Variants in IMMP2L observed in about 807,000 individuals in gnomAD.
IMMP2L encodes mitochondrial inner membrane protease subunit 2.
A neutral mutation model predicts 19.3 loss-of-function variants in IMMP2L; 18 were observed. The observed-to-expected ratio is 0.93, with a 90% CI of 0.64 to 1.38. The LOEUF is 1.38. Ranked by LOEUF, IMMP2L falls within the 40% of genes most tolerant of loss-of-function variation. The probability of loss-of-function intolerance (pLI) is 0.00; values close to 1 mark genes in which losing one functional copy is unlikely to be tolerated. For missense variants in IMMP2L, 233 were observed against 218.2 expected (o/e 1.07, Z -0.43); for synonymous variants, 76 against 73.0 (o/e 1.04, Z -0.21).
At chr7:110,890,526 C>T (rs1563057931) in intron 4 of IMMP2L, among the ~76,000 whole-genome samples, 1 of 152,146 alleles carries the variant, frequency 6.6e-6, no homozygotes, top group Non-Finnish European at 1.5e-5. Context: ...CCTTTTAGGA[C>T]TGCCAAAGAA....
chr7:111,371,320 T>C (rs894944794), intron 3 of IMMP2L, among the ~76,000 whole-genome samples: 1 of 152,006 alleles, frequency 6.6e-6, no homozygotes, highest in Non-Finnish European at 1.5e-5. Context: ...TCAAAATGTC[T>C]GCATACTTTT....
intron 5 of IMMP2L, among the ~76,000 whole-genome samples, chr7:110,681,774 G>A (rs769204785): frequency 2.0e-5 from 3 of 152,082 alleles, no homozygotes; most frequent in Non-Finnish European, 2.9e-5. Context: ...CCCATGCAAT[G>A]TGTTTGGCAG....
At chr7:111,012,111 T>G (rs374722152) in intron 3 of IMMP2L, among the ~76,000 whole-genome samples, 2 of 152,202 alleles carry the variant, frequency 1.3e-5, no homozygotes, top group South Asian at 2.1e-4. Context: ...ATTCTATTAG[T>G]TGAGGAGCTG....
intron 2 of IMMP2L, among the ~76,000 whole-genome samples, chr7:111,514,245 T>C (rs763737126): frequency 6.6e-6 from 1 of 152,122 alleles, no homozygotes; most frequent in Non-Finnish European, 1.5e-5. Flanking sequence ...TAGTTTGTGG[T>C]AATCATTTCA....
At chr7:111,151,850 C>G (rs986337995) in intron 3 of IMMP2L, among the ~76,000 whole-genome samples, 2 of 152,080 alleles carry the variant, frequency 1.3e-5, no homozygotes, top group Admixed American at 6.5e-5. Flanking sequence ...GCACAAGAAT[C>G]GTTTGAACCT....
intron 3 of IMMP2L, among the ~76,000 whole-genome samples, chr7:111,426,242 A>G (rs1445569828): frequency 6.6e-6 from 1 of 151,162 alleles, no homozygotes; most frequent in Non-Finnish European, 1.5e-5. Context: ...ATGTACATTA[A>G]TCCCTCCTTT....
In IMMP2L at chr7:111,071,464, T is replaced by C. The variant is rs374936067; in HGVS notation, c.240-107899A>G. On this transcript the variant is annotated intron_variant, in intron 3 of 5. Transcript: ENST00000405709. Reference sequence around the variant, plus strand: ...ATGTTCATAGCCGCACTATTTATAATAGTCAGAACATGAAAAAAAGAAACA... The same window carrying C: ...ATGTTCATAGCCGCACTATTTATAACAGTCAGAACATGAAAAAAAGAAACA... 3.3e-5 allele frequency among the ~76,000 whole-genome samples: 5 copies of C among 152,248 alleles called. No individual in the cohort carries two copies. In the East Asian group the frequency reaches 9.6e-4, roughly 29 times the overall value.
At position 110,744,785 on chromosome 7, in the gene IMMP2L, G is replaced by A. The variant is rs567604836; in HGVS notation, c.409-81064C>T. Among the ~76,000 whole-genome samples, 50 of 152,298 alleles carry A rather than the reference G, an allele frequency of 3.3e-4. No individual in the cohort carries two copies. The South Asian group carries it at 9.3e-3, about 28-fold the overall frequency. On this transcript the variant is annotated intron_variant, in intron 5 of 5. Coordinates refer to ENST00000405709, the MANE Select transcript of IMMP2L (RefSeq NM_032549.4). ...GACCAAAGGTAGATAAATCCATGAA[G>A]GTGGGGAGAAACCAGTGCAAAAAGG...
At chr7:111,170,614 T>C (rs951311797) in intron 3 of IMMP2L, among the ~76,000 whole-genome samples, 18 of 151,936 alleles carry the variant, frequency 1.2e-4, no homozygotes, top group African/African-American at 4.3e-4. Flanking sequence ...CTAGAAAAGA[T>C]AATCCTACAA....
At chr7:110,837,235 A>G (rs1222704794) in intron 5 of IMMP2L, among the ~76,000 whole-genome samples, 3 of 152,126 alleles carry the variant, frequency 2.0e-5, no homozygotes, top group African/African-American at 7.2e-5. Flanking sequence ...TACACTGTAT[A>G]AAAAGAAGCA....
intron 3 of IMMP2L, among the ~76,000 whole-genome samples, chr7:111,382,767 G>A (rs542496032): frequency 2.4e-4 from 37 of 152,160 alleles, no homozygotes; most frequent in South Asian, 4.1e-4. Context: ...ACACCTCTTC[G>A]TCCAGAAATG....
At chr7:111,489,471 T>G (rs965268261) in intron 2 of IMMP2L, among the ~76,000 whole-genome samples, 4 of 152,150 alleles carry the variant, frequency 2.6e-5, no homozygotes, top group African/African-American at 9.7e-5. Flanking sequence ...CCGCCTTCAC[T>G]GAGGGGCTGA....
intron 2 of IMMP2L, among the ~76,000 whole-genome samples, chr7:111,516,419 A>T (rs1428147619): frequency 6.6e-6 from 1 of 151,976 alleles, no homozygotes; most frequent in Non-Finnish European, 1.5e-5. Flanking sequence ...TAATAAAATA[A>T]ATATACTAAA....
intron 3 of IMMP2L, among the ~76,000 whole-genome samples, chr7:111,018,301 G>A (rs1280714038): frequency 6.6e-6 from 1 of 152,190 alleles, no homozygotes. Context: ...AATGGGACAA[G>A]TGTTAGCGGC....
At chr7:111,121,448 A>G (rs1407694558) in intron 3 of IMMP2L, among the ~76,000 whole-genome samples, 1 of 152,204 alleles carries the variant, frequency 6.6e-6, no homozygotes, top group Non-Finnish European at 1.5e-5. Flanking sequence ...TCAAAAGAAG[A>G]CATTTATGCA....
chr7:111,035,223 T>A (rs565566351), intron 3 of IMMP2L, among the ~76,000 whole-genome samples: 1 of 152,278 alleles, frequency 6.6e-6, no homozygotes, highest in East Asian at 1.9e-4. Flanking sequence ...CTTTGACCAA[T>A]AACACTGGTA....
intron 5 of IMMP2L, among the ~76,000 whole-genome samples, chr7:110,759,441 A>C (rs1798226766): frequency 6.6e-6 from 1 of 152,142 alleles, no homozygotes; most frequent in African/African-American, 2.4e-5. Context: ...AAATAGCATG[A>C]TATGCGAGGA....
chr7:111,061,482 G>T (rs1794007673), intron 3 of IMMP2L, among the ~76,000 whole-genome samples: 1 of 152,116 alleles, frequency 6.6e-6, no homozygotes, highest in Admixed American at 6.5e-5. Flanking sequence ...GGTATCAGTT[G>T]CTCAAAGTGG....
intron 5 of IMMP2L, among the ~76,000 whole-genome samples, chr7:110,825,745 T>C (rs1803425906): frequency 6.6e-6 from 1 of 151,770 alleles, no homozygotes; most frequent in South Asian, 2.1e-4. Context: ...TAGAAGAAAA[T>C]CTAGGCAATA....
Sources: gnomAD v4.1 joint callset for allele counts (sites outside exome capture counted in the v4.1 genomes callset) on GRCh38, gnomAD v4.1.1 for gene constraint, MANE v1.5 for transcripts, NCBI Gene and HGNC (gene_info 2026-07-23, HGNC 2026-07-21) for gene names.